HEATR4: variants seen among roughly 807,000 people sequenced by gnomAD.
The protein encoded by HEATR4 is HEAT repeat containing 4.
Under a neutral mutation model 108.8 loss-of-function variants are expected in HEATR4, and 95 were observed. The ratio of observed to expected loss-of-function variants is 0.87; its 90% CI spans 0.74 to 1.04. The LOEUF (loss-of-function observed/expected upper bound fraction) is 1.04, where lower values mean the gene tolerates loss of function less well. HEATR4 is among the 50% of genes least tolerant of loss of function. HEATR4 has a pLI of 0.00. For synonymous variants in HEATR4, 443 were observed against 459.4 expected (o/e 0.96, Z 0.46); for missense variants, 1,152 against 1,253.8 (o/e 0.92, Z 1.23).
chr14:73,563,701 G>C (rs1566856576), upstream of HEATR4, among the ~76,000 whole-genome samples: 1 of 151,996 alleles, frequency 6.6e-6, no homozygotes, highest in Non-Finnish European at 1.5e-5. Flanking sequence ...AGCAGCTCAT[G>C]CCTGTAATTC....
chr14:73,505,283 AGGG>A (rs1471196372), intron 10 of HEATR4, among the ~76,000 whole-genome samples: 1 of 152,168 alleles, frequency 6.6e-6, no homozygotes, highest in Non-Finnish European at 1.5e-5. Context: ...AAGTTTTAAA[AGGG>A]TACCTTATAT....
At chr14:73,619,917 C>A in the HEATR4 span, 6 of 1,348,516 alleles carry the variant, frequency 4.4e-6, no homozygotes, top group South Asian at 1.5e-5. Flanking sequence ...TCTTTCTTTT[C>A]TCTTTTTTTT....
chr14:73,591,996 T>G, the HEATR4 span: 13 of 1,421,776 alleles, frequency 9.1e-6, no homozygotes, highest in Middle Eastern at 2.2e-4. Context: ...CCCAGGCCGC[T>G]GCTGCTGGAA....
Position 73,495,370 on chromosome 14 carries a change from T to C in HEATR4, c.2643A>G (p.Gln881=). 6.2e-7 allele frequency: 1 copy of C among 1,613,894 alleles called. No homozygotes were observed. The highest frequency in any genetic ancestry group is 2.2e-5 in the East Asian group (1 of 44,860). Residue 881 remains glutamine, a synonymous_variant, in exon 16 of 18, where the codon CAA becomes CAG. Coordinates refer to ENST00000553558, the MANE Select transcript of HEATR4 (RefSeq NM_001220484.1). The stretch of plus-strand genomic sequence containing the variant: ...GTATTTTGTGTGTCAGCAAGTCCTT[T>C]TGGCTTAGTGTTTTAATCTAAATTA... ...EIKNRIKTLS[Q]KDLLTHKILK... is the part of the protein sequence containing the mutation.
the HEATR4 span, chr14:73,581,524 TC>T: frequency 2.6e-5 from 4 of 151,694 alleles, no homozygotes; most frequent in Non-Finnish European, 4.4e-5. Flanking sequence ...ATAACAACAA[TC>T]CCATCTTGTT....
At chr14:73,588,619 T>A in the HEATR4 span, among the ~76,000 whole-genome samples, 65 of 152,128 alleles carry the variant, frequency 4.3e-4, no homozygotes, top group African/African-American at 1.5e-3. Flanking sequence ...CTACTCAACA[T>A]AAGCAAAAAA....
chr14:73,550,900 C>CT (rs1171400025), intron 1 of HEATR4, among the ~76,000 whole-genome samples: 1 of 114,810 alleles, frequency 8.7e-6, no homozygotes, highest in African/African-American at 2.8e-5. Context: ...GGTGGCATGG[C>CT]TATAGTCCCA....
intron 14 of HEATR4, 115 bp from the exon 15 acceptor site, chr14:73,496,794 T>A (rs1325277350): frequency 3.0e-6 from 2 of 658,174 alleles, no homozygotes; most frequent in East Asian, 5.3e-5. Context: ...ATCCTAACTG[T>A]GCAGTTTTGC....
the HEATR4 span, among the ~76,000 whole-genome samples, chr14:73,593,506 TAA>T: frequency 3.6e-5 from 5 of 139,908 alleles, no homozygotes; most frequent in Admixed American, 1.4e-4. Context: ...ACTGACTAAT[TAA>T]AAAAAAAAAA....
intron 10 of HEATR4, 69 bp from the exon 11 acceptor site, chr14:73,503,082 G>A: frequency 7.8e-7 from 1 of 1,274,232 alleles, no homozygotes; most frequent in Non-Finnish European, 1.1e-6. Context: ...GCGTTGTGCT[G>A]TTTTTTCTTC....
rs1472658716 is a variant in HEATR4, at chr14:73,493,001, T to TG, written c.2844+64_2844+65insC. The TG allele has an allele frequency of 2.9e-5, 35 of 1,213,252 alleles. No individual in the cohort carries two copies. In the African/African-American group the frequency reaches 4.1e-4, roughly 14 times the overall value. The allele number at this position is 1,213,252 out of a possible 1,614,324, so 75.2% of individuals were successfully genotyped here. ...TGATTCTCCGCTGCCACTGCTACCT[T>TG]TTTTTTTTTTTTTTCCTTAAACTCA... On this transcript the variant is annotated intron_variant, in intron 17 of 17. Transcript: ENST00000553558.
intron 2 of HEATR4, among the ~76,000 whole-genome samples, chr14:73,524,758 C>A (rs1288814369): frequency 6.6e-6 from 1 of 151,456 alleles, no homozygotes; most frequent in Non-Finnish European, 1.5e-5. Context: ...GTTGGCCTTG[C>A]CTCTCCAAGG....
intron 6 of HEATR4, among the ~76,000 whole-genome samples, chr14:73,513,722 C>G (rs186773795): frequency 1.1e-5 from 1 of 93,670 alleles, no homozygotes; most frequent in Admixed American, 1.7e-4. Flanking sequence ...AGCGAAACTA[C>G]GTCTCCAAAA....
At chr14:73,521,299 A>G (rs1321137835) in intron 3 of HEATR4, among the ~76,000 whole-genome samples, 1 of 152,150 alleles carries the variant, frequency 6.6e-6, no homozygotes, top group Non-Finnish European at 1.5e-5. Flanking sequence ...GCAGCAGGGC[A>G]GAGTGGCGGT....
chr14:73,499,121 T>C lies in HEATR4; in HGVS notation c.2306A>G (p.Asn769Ser). ...CCAGTAAGGATCTCTCTGCATCAGG[T>C]TCAGGAGGCATTCAAGCACCTGGGA... ...RDKMVLECLL[N>S]LMQRDPYWKI... The change falls in exon 13 of 18, where the codon AAC (asparagine) becomes AGC (serine). Residue 769 changes from asparagine to serine, a missense_variant. Transcript: ENST00000553558. 1 of 1,614,162 alleles carries C rather than the reference T, an allele frequency of 6.2e-7. No individual in the cohort carries two copies. The highest frequency in any genetic ancestry group is 8.5e-7 in the Non-Finnish European group (1 of 1,180,012).
intron 3 of HEATR4, 42 bp downstream of exon 3, chr14:73,522,230 C>T: frequency 6.3e-7 from 1 of 1,579,054 alleles, no homozygotes; most frequent in Non-Finnish European, 8.6e-7. Flanking sequence ...AAAGGGGAGT[C>T]AGGGATTATC....
At chr14:73,514,667 T>A (rs553387317) in intron 5 of HEATR4, among the ~76,000 whole-genome samples, 2 of 152,212 alleles carry the variant, frequency 1.3e-5, no homozygotes, top group South Asian at 2.1e-4. Context: ...GGGAGAATAA[T>A]AGTGCTATAA....
upstream of HEATR4, among the ~76,000 whole-genome samples, chr14:73,563,668 A>G (rs1889562861): frequency 6.6e-6 from 1 of 151,762 alleles, no homozygotes; most frequent in Non-Finnish European, 1.5e-5. Context: ...TACACTTAAA[A>G]ATGGTTAAAA....
intron 17 of HEATR4, among the ~76,000 whole-genome samples, chr14:73,486,913 A>G (rs1350040492): frequency 6.6e-6 from 1 of 152,120 alleles, no homozygotes; most frequent in African/African-American, 2.4e-5. Flanking sequence ...TGTTGGCTCT[A>G]TTCATCTTCT....
Sources: allele counts gnomAD v4.1 joint callset (sites outside exome capture counted in the v4.1 genomes callset), GRCh38; gene constraint gnomAD v4.1.1; transcripts MANE v1.5; gene names NCBI Gene and HGNC (gene_info 2026-07-23, HGNC 2026-07-21).